PDE4D: variants seen among roughly 807,000 people sequenced by gnomAD.
The protein encoded by PDE4D is 3',5'-cyclic-AMP phosphodiesterase 4D.
In PDE4D, 24 loss-of-function variants were observed where a neutral mutation model predicts 87.4. The ratio of observed to expected loss-of-function variants is 0.27; its 90% confidence interval spans 0.20 to 0.39. The LOEUF is 0.39. Among genes scored for constraint, PDE4D ranks in the 10% least tolerant of loss-of-function variants. The pLI is 1.00. For missense variants in PDE4D, 714 were observed against 1,041.0 expected, an observed-to-expected ratio of 0.69 and a Z score of 4.32; for synonymous variants, 384 against 383.2, an observed-to-expected ratio of 1.00 and a Z score of -0.02.
intron 1 of PDE4D, among the ~76,000 whole-genome samples, chr5:59,621,401 C>G (rs981109343): frequency 1.3e-5 from 2 of 152,204 alleles, no homozygotes; most frequent in African/African-American, 2.4e-5. Flanking sequence ...CTTCTTGTCA[C>G]CATGGTGACT....
chr5:59,549,728 T>C (rs780694099), intron 1 of PDE4D, among the ~76,000 whole-genome samples: 19 of 152,056 alleles, frequency 1.2e-4, no homozygotes, highest in Admixed American at 2.0e-4. Flanking sequence ...GAGAAAGCGC[T>C]ATATATATAC....
intron 1 of PDE4D, among the ~76,000 whole-genome samples, chr5:60,319,513 T>C (rs1029971824): frequency 6.6e-6 from 1 of 152,250 alleles, no homozygotes; most frequent in Non-Finnish European, 1.5e-5. Flanking sequence ...TCCAGCTTTG[T>C]TCCGTTGCTG....
intron 1 of PDE4D, among the ~76,000 whole-genome samples, chr5:59,864,783 C>T (rs1314548280): frequency 6.6e-6 from 1 of 152,086 alleles, no homozygotes; most frequent in Non-Finnish European, 1.5e-5. Context: ...ACAGACATGC[C>T]CTGTAGCACT....
chr5:59,622,840 C>T (rs557822679), intron 1 of PDE4D, among the ~76,000 whole-genome samples: 54 of 152,190 alleles, frequency 3.5e-4, no homozygotes, highest in Admixed American at 6.5e-4. Context: ...CTCCAAAGTG[C>T]TGACTAATAT....
chr5:60,317,719 T>C (rs577585872), intron 1 of PDE4D, among the ~76,000 whole-genome samples: 132 of 152,320 alleles, frequency 8.7e-4, no homozygotes, highest in African/African-American at 3.0e-3. Flanking sequence ...AAGAACATCT[T>C]TATTTCTGCC....
At chr5:60,087,343 A>G (rs1392122791) in intron 2 of PDE4D, among the ~76,000 whole-genome samples, 1 of 152,194 alleles carries the variant, frequency 6.6e-6, no homozygotes, top group African/African-American at 2.4e-5. Context: ...ATAAAGACAC[A>G]AGGATTGTGG....
At chr5:59,215,370 A>G (rs1409408871) in intron 2 of PDE4D, 1 of 226,116 alleles carries the variant, frequency 4.4e-6, no homozygotes, top group Non-Finnish European at 8.7e-6. Context: ...TATACAGTCT[A>G]TTATCACAGG....
intron 2 of PDE4D, among the ~76,000 whole-genome samples, chr5:60,074,475 C>T (rs912702611): frequency 1.3e-5 from 2 of 152,070 alleles, no homozygotes; most frequent in African/African-American, 2.4e-5. Flanking sequence ...GAGAAGAATA[C>T]ATATTCTCTT....
rs115303311 is a variant in PDE4D, at chr5:59,792,016, C to T, written c.455+101152G>A. The stretch of plus-strand genomic sequence containing the variant: ...TAGTATAGGATACAATGTGTGGCTC[C>T]GAAACACAATAAGTGAAAATAGAAG... On this transcript the variant is annotated intron_variant, in intron 1 of 14. Transcript: ENST00000340635. Among the ~76,000 whole-genome samples, 666 of 152,166 alleles carry T rather than the reference C, an allele frequency of 4.4e-3. 6 individuals are homozygous for T. The highest frequency in any genetic ancestry group is 0.015 in the African/African-American group (630 of 41,500).
At chr5:59,129,220 A>G (rs1775933155) in intron 5 of PDE4D, among the ~76,000 whole-genome samples, 1 of 152,210 alleles carries the variant, frequency 6.6e-6, no homozygotes, top group African/African-American at 2.4e-5. Context: ...ATTAAGTAGA[A>G]TGGAACAAAA....
At chr5:59,667,537 G>A (rs73758838) in intron 1 of PDE4D, among the ~76,000 whole-genome samples, 10,939 of 152,050 alleles carry the variant, frequency 0.072, 1,213 homozygotes, top group African/African-American at 0.24. Flanking sequence ...ATCACACCCA[G>A]CATCTCCTCC....
chr5:60,107,056 A>C (rs1182790239), intron 2 of PDE4D, among the ~76,000 whole-genome samples: 1 of 152,142 alleles, frequency 6.6e-6, no homozygotes, highest in Non-Finnish European at 1.5e-5. Context: ...TTCAAAAATT[A>C]ATGAATCCAG....
chr5:59,118,002 T>A (rs149973617), intron 5 of PDE4D, among the ~76,000 whole-genome samples: 494 of 152,234 alleles, frequency 3.2e-3, no homozygotes, highest in Non-Finnish European at 4.7e-3. Context: ...TCTCAAGGAG[T>A]TAAATTCCAA....
At chr5:59,309,905 G>A (rs1264985895) in intron 1 of PDE4D, among the ~76,000 whole-genome samples, 5 of 152,070 alleles carry the variant, frequency 3.3e-5, no homozygotes, top group African/African-American at 9.7e-5. Flanking sequence ...GCAGCTTCTC[G>A]GTAAGACCCT....
At chr5:58,980,668 T>A (rs902761438) in intron 11 of PDE4D, among the ~76,000 whole-genome samples, 4 of 150,152 alleles carry the variant, frequency 2.7e-5, no homozygotes, top group African/African-American at 9.8e-5. Context: ...GTCCCTCTCT[T>A]CTGAGTGCTA....
chr5:59,616,949 C>CTCTCT (rs1829781253), intron 1 of PDE4D, among the ~76,000 whole-genome samples: 1 of 22,948 alleles, frequency 4.4e-5, no homozygotes. Context: ...ATATATATCT[C>CTCTCT]CAAGATTTTA....
At chr5:59,549,156 G>A (rs538061566) in intron 1 of PDE4D, among the ~76,000 whole-genome samples, 1 of 152,196 alleles carries the variant, frequency 6.6e-6, no homozygotes, top group South Asian at 2.1e-4. Context: ...GTTCCCTCTT[G>A]GAAGTTCATG....
chr5:59,053,644 TG>T (rs374718671), intron 5 of PDE4D, among the ~76,000 whole-genome samples: 27,801 of 122,456 alleles, frequency 0.23, 3,554 homozygotes, highest in Middle Eastern at 0.32. Flanking sequence ...TTTTGTTTTT[TG>T]TTTTTTTTTG....
intron 1 of PDE4D, among the ~76,000 whole-genome samples, chr5:60,382,648 G>A (rs1260063750): frequency 1.3e-5 from 2 of 152,194 alleles, no homozygotes; most frequent in African/African-American, 2.4e-5. Context: ...TTCACCGGAA[G>A]AGGCAGCCCC....
Sources: gnomAD v4.1 joint callset for allele counts (sites outside exome capture counted in the v4.1 genomes callset) on GRCh38, gnomAD v4.1.1 for gene constraint, MANE v1.5 for transcripts, NCBI Gene and HGNC (gene_info 2026-07-23, HGNC 2026-07-21) for gene names.